MTUS2: variants seen among roughly 807,000 people sequenced by gnomAD.
MTUS2 encodes microtubule associated scaffold protein 2.
Under a neutral mutation model 114.1 loss-of-function variants are expected in MTUS2, and 40 were observed. The observed-to-expected ratio is 0.35, with a 90% confidence interval of 0.27 to 0.46. The LOEUF (loss-of-function observed/expected upper bound fraction) is 0.46, where lower values mean the gene tolerates loss of function less well. Among genes scored for constraint, MTUS2 ranks in the 20% least tolerant of loss-of-function variants. The probability of loss-of-function intolerance (pLI) is 1.00; values close to 1 mark genes in which losing one functional copy is unlikely to be tolerated. For missense variants in MTUS2, 1,679 were observed against 1,705.4 expected, an observed-to-expected ratio of 0.98 and a Z score of 0.27; for synonymous variants, 688 against 672.0, an observed-to-expected ratio of 1.02 and a Z score of -0.37.
At chr13:29,479,637 C>T (rs576509502) in intron 9 of MTUS2, among the ~76,000 whole-genome samples, 62 of 152,296 alleles carry the variant, frequency 4.1e-4, no homozygotes, top group African/African-American at 1.4e-3. Flanking sequence ...TAGCCTTAGG[C>T]GCCAGGCCCT....
At chr13:29,378,020 AG>A (rs1173476664) in intron 8 of MTUS2, among the ~76,000 whole-genome samples, 1 of 152,216 alleles carries the variant, frequency 6.6e-6, no homozygotes, top group African/African-American at 2.4e-5. Flanking sequence ...TGGTCTCGAA[AG>A]GTTACGCACT....
At chr13:29,294,982 A>G (rs1023027558) in intron 6 of MTUS2, among the ~76,000 whole-genome samples, 1 of 152,220 alleles carries the variant, frequency 6.6e-6, no homozygotes, top group Non-Finnish European at 1.5e-5. Context: ...GGTTTAAGCA[A>G]TTCAAGCCTG....
At chr13:29,139,936 A>G (rs967331259) in intron 5 of MTUS2, among the ~76,000 whole-genome samples, 3 of 152,136 alleles carry the variant, frequency 2.0e-5, no homozygotes, top group African/African-American at 4.8e-5. Context: ...GTTTTCCTCT[A>G]TTAATCATCA....
At chr13:28,899,257 T>C (rs1321131615) in intron 2 of MTUS2, among the ~76,000 whole-genome samples, 1 of 152,224 alleles carries the variant, frequency 6.6e-6, no homozygotes, top group African/African-American at 2.4e-5. Context: ...TATTTTAAGT[T>C]CAGCCAAAAG....
rs576696956 is a variant in MTUS2 at position 28,989,564 on chromosome 13, A to G, written c.-242-34893A>G. ...GTTGGGGATGGGAATGGAGGAGTCT[A>G]TGAATCTGGGTCACAGTTTGGTGAG... On this transcript the variant is annotated intron_variant, in intron 2 of 15. Transcript: ENST00000612955. 2.6e-5 allele frequency among the ~76,000 whole-genome samples: 4 copies of G among 152,342 alleles called. No homozygotes were observed. In the South Asian group the frequency reaches 8.3e-4, roughly 32 times the overall value.
intron 12 of MTUS2, among the ~76,000 whole-genome samples, chr13:29,494,572 T>G (rs1282470292): frequency 2.6e-5 from 4 of 150,952 alleles, no homozygotes; most frequent in Non-Finnish European, 5.9e-5. Context: ...GGAGGGAGAG[T>G]CATTTTTATA....
rs1285268128 is a variant in MTUS2, at chr13:29,026,393, G to A, written c.1695G>A (p.Ala565=). The change falls in exon 3 of 16, where the codon GCG becomes GCA. Residue 565 remains alanine (A), a synonymous_variant. Coordinates refer to ENST00000612955, the MANE Select transcript of MTUS2 (RefSeq NM_001033602.4). ...ATGTTAGCGTGTTCGGTATGGATGC[G>A]GGGTCCCCCTTGGTAGTTCCACCCC... ...FQDVSVFGMD[A]GSPLVVPPPT... 8.1e-6 allele frequency: 13 copies of A among 1,613,806 alleles called. No individual in the cohort carries two copies. The highest frequency in any genetic ancestry group is 2.2e-5 in the East Asian group (1 of 44,872).
intron 6 of MTUS2, among the ~76,000 whole-genome samples, chr13:29,314,390 A>G (rs1899900146): frequency 6.6e-6 from 1 of 152,244 alleles, no homozygotes; most frequent in Non-Finnish European, 1.5e-5. Flanking sequence ...GGAAAACAAA[A>G]GTCAGACAAG....
Position 29,033,943 on chromosome 13 carries a change from T to C in MTUS2, c.2264T>C (p.Val755Ala), listed in dbSNP as rs200475426. ...TCTCCTCCCTATGCTCATTATGAAGTCCCTCCAACTTTCTATCGGTCAGCC... is the reference window on the plus strand; with the variant it reads ...TCTCCTCCCTATGCTCATTATGAAGCCCCTCCAACTTTCTATCGGTCAGCC... ...FCSPPYAHYE[V>A]PPTFYRSAML... is the part of the protein sequence containing the mutation. The change falls in exon 4 of 16, where the codon GTC (valine) becomes GCC (alanine). Residue 755 changes from valine (V) to alanine (A), a missense_variant. Coordinates refer to ENST00000612955, the MANE Select transcript of MTUS2 (RefSeq NM_001033602.4). 1.7e-4 allele frequency: 277 copies of C among 1,613,980 alleles called. No homozygotes were observed. Among genetic ancestry groups the C allele is most frequent in the Non-Finnish European group, 2.1e-4 (251 of 1,179,870 alleles).
intron 5 of MTUS2, among the ~76,000 whole-genome samples, chr13:29,148,949 T>C (rs1892557337): frequency 6.6e-6 from 1 of 152,242 alleles, no homozygotes; most frequent in South Asian, 2.1e-4. Flanking sequence ...GCATTTAGGT[T>C]GATTCCATGT....
chr13:29,068,128 T>C (rs1468263031), intron 4 of MTUS2, among the ~76,000 whole-genome samples: 1 of 152,196 alleles, frequency 6.6e-6, no homozygotes, highest in Admixed American at 6.5e-5. Flanking sequence ...ATAATTCCTT[T>C]GGGTCTTAAT....
intron 2 of MTUS2, among the ~76,000 whole-genome samples, chr13:29,003,657 C>G (rs1387863332): frequency 6.6e-6 from 1 of 152,128 alleles, no homozygotes; most frequent in Admixed American, 6.6e-5. Context: ...AGAATAGGGG[C>G]CAGACTCCTT....
At chr13:29,202,829 C>T (rs1895017137) in intron 5 of MTUS2, among the ~76,000 whole-genome samples, 1 of 152,192 alleles carries the variant, frequency 6.6e-6, no homozygotes, top group African/African-American at 2.4e-5. Context: ...TGGGTATCAC[C>T]AGCGGAGGCT....
intron 5 of MTUS2, among the ~76,000 whole-genome samples, chr13:29,184,598 C>A (rs1411022328): frequency 1.3e-5 from 2 of 152,162 alleles, no homozygotes; most frequent in African/African-American, 4.8e-5. Flanking sequence ...AGCCACTTGG[C>A]AGACTGGGAC....
chr13:29,230,057 T>A (rs965579849), intron 5 of MTUS2, among the ~76,000 whole-genome samples: 1 of 152,166 alleles, frequency 6.6e-6, no homozygotes, highest in African/African-American at 2.4e-5. Flanking sequence ...TCATCCTGGC[T>A]AACACAGTGA....
chr13:28,887,277 C>A (rs1878646517), intron 2 of MTUS2, among the ~76,000 whole-genome samples: 1 of 152,186 alleles, frequency 6.6e-6, no homozygotes, highest in African/African-American at 2.4e-5. Context: ...ATTCTCTGGG[C>A]AGCTTTGACA....
At chr13:29,239,663 A>G (rs35397329) in intron 5 of MTUS2, 25,371 of 152,200 alleles carry the variant, frequency 0.17, 2,389 homozygotes, top group East Asian at 0.41. Flanking sequence ...GAACATGCAT[A>G]CACACATGTG....
intron 5 of MTUS2, among the ~76,000 whole-genome samples, chr13:29,150,047 A>G (rs1403482737): frequency 6.6e-6 from 1 of 152,140 alleles, no homozygotes; most frequent in Non-Finnish European, 1.5e-5. Flanking sequence ...TTCTAATTCT[A>G]TGAAGAGTGT....
At chr13:29,432,193 G>C (rs981789175) in intron 8 of MTUS2, among the ~76,000 whole-genome samples, 5 of 151,956 alleles carry the variant, frequency 3.3e-5, no homozygotes, top group African/African-American at 1.2e-4. Context: ...TAAAAAGTAG[G>C]GATCTATCTT....
Sources: allele counts gnomAD v4.1 joint callset (sites outside exome capture counted in the v4.1 genomes callset), GRCh38; gene constraint gnomAD v4.1.1; transcripts MANE v1.5; gene names NCBI Gene and HGNC (gene_info 2026-07-23, HGNC 2026-07-21).